RPH3A: variants seen among roughly 807,000 people sequenced by gnomAD.
RPH3A encodes the protein rabphilin 3A.
Under a neutral mutation model 102.2 loss-of-function variants are expected in RPH3A, and 48 were observed. The observed-to-expected ratio is 0.47, with a 90% CI of 0.37 to 0.60. The LOEUF (loss-of-function observed/expected upper bound fraction) is 0.60. RPH3A is among the 20% of genes least tolerant of loss of function. RPH3A has a pLI of 0.00. For missense variants in RPH3A, 781 were observed against 910.1 expected, an observed-to-expected ratio of 0.86 and a Z score of 1.83; for synonymous variants, 310 against 324.3, an observed-to-expected ratio of 0.96 and a Z score of 0.47.
intron 1 of RPH3A, among the ~76,000 whole-genome samples, chr12:112,604,968 T>A (rs574384057): frequency 6.6e-6 from 1 of 152,348 alleles, no homozygotes; most frequent in African/African-American, 2.4e-5. Flanking sequence ...TGTGTATTGT[T>A]AATTCTGCTT....
chr12:112,656,309 G>A (rs542672013), intron 1 of RPH3A, among the ~76,000 whole-genome samples: 1 of 152,148 alleles, frequency 6.6e-6, no homozygotes, highest in African/African-American at 2.4e-5. Flanking sequence ...ATCCTTTGAC[G>A]TCATAGATAA....
rs571747361 is a variant in RPH3A, at chr12:112,603,345, G to A, written c.-140+28026G>A. Among the ~76,000 whole-genome samples, 6 of 152,240 alleles carry A rather than the reference G, an allele frequency of 3.9e-5. 1 individual carries two copies. In the South Asian group the frequency reaches 6.2e-4, roughly 16 times the overall value. Reference sequence around the variant, plus strand: ...GGATCTCATTCCAGACCCCAAGAGCGAGTTCTTGAATCTAGCACAAGAAAG... The same window carrying A: ...GGATCTCATTCCAGACCCCAAGAGCAAGTTCTTGAATCTAGCACAAGAAAG... On this transcript the variant is annotated intron_variant, in intron 1 of 21. Coordinates refer to the RPH3A transcript ENST00000543106.
chr12:112,771,614 A>G (rs2040927898), intron 1 of RPH3A, among the ~76,000 whole-genome samples: 1 of 152,228 alleles, frequency 6.6e-6, no homozygotes, highest in South Asian at 2.1e-4. Flanking sequence ...TGTGTATTTA[A>G]AATATTGATA....
rs201806493 is a variant in RPH3A at position 112,781,213 on chromosome 12, C to G, written c.-139-10930C>G. On this transcript the variant is annotated intron_variant, in intron 1 of 21. Transcript: ENST00000543106. ...ACCAAAACAACAACAACAACAACAA[C>G]AAAACAAAAAAAAATATCCTCTGGA... 1.1e-3 allele frequency among the ~76,000 whole-genome samples: 143 copies of G among 134,300 alleles called. 1 individual carries two copies. In the South Asian group the frequency reaches 0.025, roughly 23 times the overall value. 88.1% of individuals were successfully genotyped at this position (134,300 alleles called of 152,430 possible). A position where few individuals can be genotyped will look rare whatever the true frequency, so the allele number is the denominator to read the frequency against.
At chr12:112,891,120 A>T in intron 19 of RPH3A, 117 bp downstream of exon 19, 1 of 1,188,412 alleles carries the variant, frequency 8.4e-7, no homozygotes, top group Non-Finnish European at 1.2e-6. Flanking sequence ...GAGGGCAAGG[A>T]ACCTGCCCAA....
chr12:112,821,948 T>C (rs957449229), intron 2 of RPH3A, among the ~76,000 whole-genome samples: 1 of 151,638 alleles, frequency 6.6e-6, no homozygotes, highest in Non-Finnish European at 1.5e-5. Context: ...CCTGCGCTTT[T>C]AAGATATTGA....
chr12:112,878,768 A>T (rs917133687), intron 13 of RPH3A, among the ~76,000 whole-genome samples: 14 of 152,340 alleles, frequency 9.2e-5, no homozygotes, highest in African/African-American at 3.4e-4. Flanking sequence ...AGACTCATTT[A>T]TTCCTTCAGC....
chr12:112,724,388 C>T (rs1387520056), intron 1 of RPH3A, among the ~76,000 whole-genome samples: 3 of 151,874 alleles, frequency 2.0e-5, no homozygotes, highest in Non-Finnish European at 4.4e-5. Context: ...TATTTTTTGG[C>T]AGTTTATCTT....
intron 1 of RPH3A, among the ~76,000 whole-genome samples, chr12:112,598,429 G>A (rs999201227): frequency 2.6e-5 from 4 of 152,152 alleles, no homozygotes; most frequent in African/African-American, 9.7e-5. Context: ...TGAAGAAGGT[G>A]AGTTTTTGTC....
intron 1 of RPH3A, among the ~76,000 whole-genome samples, chr12:112,736,222 C>T (rs2040668320): frequency 6.6e-6 from 1 of 152,314 alleles, no homozygotes; most frequent in South Asian, 2.1e-4. Flanking sequence ...ATTCTAGTGG[C>T]ACTACCCCCA....
intron 3 of RPH3A, among the ~76,000 whole-genome samples, chr12:112,835,000 TC>T (rs1235251391): frequency 1.3e-5 from 2 of 152,222 alleles, no homozygotes; most frequent in African/African-American, 4.8e-5. Context: ...TTCCTTACTT[TC>T]TAGAAATCCC....
chr12:112,879,086 C>G (rs12824822), intron 13 of RPH3A, 33 bp from the exon 14 acceptor site: 22 of 1,552,006 alleles, frequency 1.4e-5, no homozygotes, highest in Non-Finnish European at 9.8e-6. Flanking sequence ...ACTGAATATT[C>G]GTTATCTTGG....
chr12:112,741,707 C>A (rs1253593451), intron 1 of RPH3A, among the ~76,000 whole-genome samples: 1 of 152,090 alleles, frequency 6.6e-6, no homozygotes, highest in Non-Finnish European at 1.5e-5. Context: ...ATGTCAGAAG[C>A]CTCTGACTCT....
chr12:112,881,481 C>T (rs1408654234), intron 14 of RPH3A, among the ~76,000 whole-genome samples: 2 of 152,182 alleles, frequency 1.3e-5, no homozygotes, highest in Admixed American at 6.5e-5. Flanking sequence ...CCTCATGAAG[C>T]GGGTACTGTT....
At chr12:112,798,075 T>C (rs1030666051) in intron 2 of RPH3A, among the ~76,000 whole-genome samples, 10 of 152,242 alleles carry the variant, frequency 6.6e-5, no homozygotes, top group African/African-American at 2.4e-4. Flanking sequence ...CAGGCTGCTG[T>C]ATGCAATGTC....
chr12:112,870,018 G>C lies in RPH3A; in HGVS notation c.775G>C (p.Asp259His). The C allele has an allele frequency of 1.9e-6, 3 of 1,613,762 alleles. No homozygotes were observed. Among genetic ancestry groups the C allele is most frequent in the Non-Finnish European group, 2.5e-6 (3 of 1,179,922 alleles). ...ESWDHSGGAG[D>H]SSRSPAGLRR... Reference sequence around the variant, plus strand: ...CTGGGACCACAGTGGGGGTGCTGGAGACTCCAGCCGGAGCCCAGCAGGTGA... The same window carrying C: ...CTGGGACCACAGTGGGGGTGCTGGACACTCCAGCCGGAGCCCAGCAGGTGA... Residue 259 changes from aspartate (D) to histidine (H), a missense_variant, in exon 10 of 22, where the codon GAC becomes CAC. Around this residue, in one of 2 missense-constraint regions of RPH3A, gnomAD observed 730 missense variants for 810.0 expected, o/e 0.90. Coordinates refer to ENST00000389385, the MANE Select transcript of RPH3A (RefSeq NM_001143854.2).
At chr12:112,682,800 A>AT (rs1232697383) in intron 1 of RPH3A, among the ~76,000 whole-genome samples, 1 of 152,182 alleles carries the variant, frequency 6.6e-6, no homozygotes, top group Non-Finnish European at 1.5e-5. Context: ...AGGAGCATAG[A>AT]TTTTGATGGG....
chr12:112,720,386 T>C (rs1291592836), intron 1 of RPH3A, among the ~76,000 whole-genome samples: 1 of 152,246 alleles, frequency 6.6e-6, no homozygotes, highest in Non-Finnish European at 1.5e-5. Context: ...AGGCAGATGA[T>C]GTTTTCCACA....
intron 5 of RPH3A, among the ~76,000 whole-genome samples, chr12:112,858,642 G>A (rs1025325992): frequency 3.9e-5 from 6 of 152,168 alleles, no homozygotes; most frequent in Admixed American, 2.0e-4. Context: ...TCACTTGAAC[G>A]CCAGCTCCAT....
Sources: allele counts gnomAD v4.1 joint callset (sites outside exome capture counted in the v4.1 genomes callset), GRCh38; gene constraint gnomAD v4.1.1; regional missense constraint gnomAD v4.1.1; transcripts MANE v1.5; gene names NCBI Gene and HGNC (gene_info 2026-07-23, HGNC 2026-07-21).